Variants in PDE2A observed in about 807,000 individuals in gnomAD.
The protein encoded by PDE2A is phosphodiesterase 2A, also known as cGMP-dependent 3',5'-cyclic phosphodiesterase.
A neutral mutation model predicts 133.6 loss-of-function variants in PDE2A; 53 were observed. The observed-to-expected ratio is 0.40, with a 90% CI of 0.32 to 0.50. The LOEUF is 0.50. PDE2A is among the 20% of genes least tolerant of loss of function. The pLI, the probability that PDE2A is intolerant of heterozygous loss-of-function variation, is 0.73. For missense variants in PDE2A, 796 were observed against 1,232.4 expected, an observed-to-expected ratio of 0.65 and a Z score of 5.30; for synonymous variants, 491 against 490.2, an observed-to-expected ratio of 1.00 and a Z score of -0.02.
chr11:72,610,828 G>A (rs4944566), intron 2 of PDE2A, among the ~76,000 whole-genome samples: 21,685 of 151,974 alleles, frequency 0.14, 1,673 homozygotes, highest in East Asian at 0.21. Context: ...ATCCATGTGC[G>A]CACACACACA....
At chr11:72,625,860 C>A (rs1858034512) in intron 2 of PDE2A, among the ~76,000 whole-genome samples, 1 of 152,220 alleles carries the variant, frequency 6.6e-6, no homozygotes, top group Non-Finnish European at 1.5e-5. Context: ...GAGGCCAGTG[C>A]ACACGCTCTT....
intron 22 of PDE2A, among the ~76,000 whole-genome samples, 170 bp downstream of exon 22, chr11:72,581,707 C>T (rs1855731670): frequency 6.6e-6 from 1 of 152,204 alleles, no homozygotes; most frequent in Admixed American, 6.5e-5. Flanking sequence ...CCTTTATTGA[C>T]AGTTCAGTGT....
intron 1 of PDE2A, 141 bp from the exon 2 acceptor site, chr11:72,642,467 C>G (rs942128591): frequency 1.1e-6 from 1 of 912,390 alleles, no homozygotes; most frequent in African/African-American, 1.8e-5. Context: ...GAGTGTCCGC[C>G]CCGGCCCCGC....
At chr11:72,670,492 C>G (rs1010769791) in intron 1 of PDE2A, among the ~76,000 whole-genome samples, 1 of 152,180 alleles carries the variant, frequency 6.6e-6, no homozygotes, top group African/African-American at 2.4e-5. Flanking sequence ...CCCTTTCACA[C>G]GTACAGCCCA....
chr11:72,639,023 G>T (rs1262889116), intron 2 of PDE2A, among the ~76,000 whole-genome samples: 1 of 152,262 alleles, frequency 6.6e-6, no homozygotes, highest in South Asian at 2.1e-4. Context: ...GTGACACTGC[G>T]GCATCGACCC....
At chr11:72,638,884 G>A (rs912499968) in intron 2 of PDE2A, among the ~76,000 whole-genome samples, 1 of 152,236 alleles carries the variant, frequency 6.6e-6, no homozygotes, top group African/African-American at 2.4e-5. Flanking sequence ...CCTGGGGAAT[G>A]GCCAGCAAGA....
At position 72,674,328 on chromosome 11, in the gene PDE2A, C is replaced by G; in HGVS notation, c.-121G>C. On this transcript the variant is annotated 5_prime_UTR_variant, in exon 1 of 31. Transcript: ENST00000334456. ...AGGGACCAAGAGCAGTGGGCTGCCCCCTACTCAGCCTGGACTCAACACCCC... is the reference window on the plus strand; with the variant it reads ...AGGGACCAAGAGCAGTGGGCTGCCCGCTACTCAGCCTGGACTCAACACCCC... 1 of 939,450 alleles carries G rather than the reference C, an allele frequency of 1.1e-6. No homozygotes were observed. The highest frequency in any genetic ancestry group is 1.6e-6 in the Non-Finnish European group (1 of 628,352). 58.2% of individuals were successfully genotyped at this position (939,450 alleles called of 1,614,324 possible). A position where few individuals can be genotyped will look rare whatever the true frequency, so the allele number is the denominator to read the frequency against.
intron 1 of PDE2A, chr11:72,652,799 G>A (rs1051130607): frequency 4.7e-5 from 21 of 442,760 alleles, no homozygotes; most frequent in Middle Eastern, 3.3e-4. Context: ...TCTTGCAGCA[G>A]GCTGACTTGG....
chr11:72,641,330 T>TG (rs1858941247), intron 2 of PDE2A, among the ~76,000 whole-genome samples: 1 of 152,100 alleles, frequency 6.6e-6, no homozygotes. Context: ...CCTGAGAACA[T>TG]GGGGGGCGGG....
chr11:72,624,466 A>G (rs1231504461), intron 2 of PDE2A, among the ~76,000 whole-genome samples: 1 of 152,140 alleles, frequency 6.6e-6, no homozygotes, highest in Non-Finnish European at 1.5e-5. Flanking sequence ...GCCCACTTCC[A>G]CACACTTGCT....
chr11:72,624,007 T>TC (rs1857920805), intron 2 of PDE2A, among the ~76,000 whole-genome samples: 1 of 151,436 alleles, frequency 6.6e-6, no homozygotes, highest in Non-Finnish European at 1.5e-5. Flanking sequence ...CTTTTTTTTT[T>TC]TTTGAGATGG....
In PDE2A at chr11:72,628,618, C is replaced by T. The variant is rs535229570; in HGVS notation, c.144+13636G>A. On this transcript the variant is annotated intron_variant, in intron 2 of 30. Coordinates refer to ENST00000334456, the MANE Select transcript of PDE2A (RefSeq NM_002599.5). ...TGCTGAGATTACAAGCGTGAGCCACCGCTCCCGGCAGTGATAGACGTTCTT... is the reference window on the plus strand; with the variant it reads ...TGCTGAGATTACAAGCGTGAGCCACTGCTCCCGGCAGTGATAGACGTTCTT... Among the ~76,000 whole-genome samples the T allele has an allele frequency of 3.5e-4, 54 of 152,294 alleles. 1 individual carries two copies. Among genetic ancestry groups the T allele is most frequent in the African/African-American group, 1.3e-3 (52 of 41,568 alleles).
intron 2 of PDE2A, among the ~76,000 whole-genome samples, chr11:72,619,918 C>G (rs748692196): frequency 6.6e-6 from 1 of 152,114 alleles, no homozygotes; most frequent in South Asian, 2.1e-4. Flanking sequence ...GAAGATTAAG[C>G]TGAGCCATCA....
chr11:72,616,755 G>A lies in PDE2A; in HGVS notation c.145-8004C>T, dbSNP rs567085004. On this transcript the variant is annotated intron_variant, in intron 2 of 30. Transcript: ENST00000334456. The stretch of plus-strand genomic sequence containing the variant: ...CTTTGTGCTTCAGGATCATCTCCAC[G>A]TGCAGACCGGGTGGGGGCAGCAGGT... Among the ~76,000 whole-genome samples the A allele has an allele frequency of 4.6e-5, 7 of 152,290 alleles. No homozygotes were observed. In the East Asian group the frequency reaches 5.8e-4, roughly 13 times the overall value.
intron 13 of PDE2A, among the ~76,000 whole-genome samples, chr11:72,587,490 G>A (rs1377597431): frequency 6.6e-6 from 1 of 152,102 alleles, no homozygotes; most frequent in Non-Finnish European, 1.5e-5. Flanking sequence ...TGCCACCAAG[G>A]CCCCATCCTT....
intron 2 of PDE2A, among the ~76,000 whole-genome samples, chr11:72,624,560 TCAGA>T (rs1441383393): frequency 2.6e-5 from 4 of 152,298 alleles, no homozygotes; most frequent in African/African-American, 9.6e-5. Flanking sequence ...CAATTCAGTG[TCAGA>T]CACTCGAGCC....
chr11:72,588,897 C>A lies in PDE2A; in HGVS notation c.957G>T (p.Leu319=). Residue 319 remains leucine (L), a synonymous_variant, in exon 13 of 31, where the codon CTG becomes CTT. Transcript: ENST00000334456. ...KDLTSEDVQQ[L]QSMLGCELQA... is the part of the protein sequence containing the mutation. ...GCAGCTCACAGCCCAACATGCTCTGCAGCTGTTGTACATCCTCCTGCAAAG... is the reference window on the plus strand; with the variant it reads ...GCAGCTCACAGCCCAACATGCTCTGAAGCTGTTGTACATCCTCCTGCAAAG... The A allele has an allele frequency of 6.2e-7, 1 of 1,606,642 alleles. No individual in the cohort carries two copies.
At position 72,589,888 on chromosome 11, in the gene PDE2A, A is replaced by C; in HGVS notation, c.831+19T>G. 6.2e-7 allele frequency: 1 copy of C among 1,611,516 alleles called. No homozygotes were observed. The highest frequency in any genetic ancestry group is 8.5e-7 in the Non-Finnish European group (1 of 1,178,572). On this transcript the variant is annotated intron_variant, in intron 10 of 30. Coordinates refer to ENST00000334456, the MANE Select transcript of PDE2A (RefSeq NM_002599.5). ...TCGCCCAGCCCCGCCCCCGCTCTAC[A>C]GTGGACCTGGGCCCTCACCTTGCAA...
At chr11:72,665,931 A>G (rs1855221653) in intron 1 of PDE2A, among the ~76,000 whole-genome samples, 1 of 152,066 alleles carries the variant, frequency 6.6e-6, no homozygotes, top group South Asian at 2.1e-4. Context: ...ACACGAAAAA[A>G]AAAGCAACTA....
Sources: allele counts gnomAD v4.1 joint callset (sites outside exome capture counted in the v4.1 genomes callset), GRCh38; gene constraint gnomAD v4.1.1; transcripts MANE v1.5; gene names NCBI Gene and HGNC (gene_info 2026-07-23, HGNC 2026-07-21).